MACROD2: variants seen among roughly 807,000 people sequenced by gnomAD.
The protein encoded by MACROD2 is ADP-ribose glycohydrolase MACROD2.
In MACROD2, 36 loss-of-function variants were observed where a neutral mutation model predicts 70.4. The observed-to-expected ratio is 0.51, with a 90% CI of 0.39 to 0.68. MACROD2 has a LOEUF of 0.68. Ranked by LOEUF, MACROD2 falls within the 30% of genes least tolerant of loss-of-function variation. The pLI, the probability that MACROD2 is intolerant of heterozygous loss-of-function variation, is 0.00. For missense variants in MACROD2, 496 were observed against 538.4 expected (o/e 0.92, Z 0.78); for synonymous variants, 172 against 178.8 (o/e 0.96, Z 0.30).
intron 3 of MACROD2, among the ~76,000 whole-genome samples, chr20:14,174,675 C>T (rs1026465437): frequency 2.0e-5 from 3 of 152,156 alleles, no homozygotes; most frequent in African/African-American, 7.2e-5. Context: ...GTGATTTGCC[C>T]CCTTCCCAAG....
chr20:14,082,386 G>C (rs1352063305), intron 2 of MACROD2, among the ~76,000 whole-genome samples: 2 of 146,268 alleles, frequency 1.4e-5, no homozygotes, highest in Non-Finnish European at 3.0e-5. Context: ...TAGAGACGGA[G>C]TTTCACCATG....
At chr20:14,309,106 T>C (rs913595759) in intron 3 of MACROD2, among the ~76,000 whole-genome samples, 5 of 152,084 alleles carry the variant, frequency 3.3e-5, no homozygotes, top group African/African-American at 1.2e-4. Flanking sequence ...GACAATCCTT[T>C]TGAAGATCTA....
chr20:15,221,726 T>C (rs1034076795), intron 5 of MACROD2, among the ~76,000 whole-genome samples: 3 of 152,212 alleles, frequency 2.0e-5, no homozygotes, highest in Non-Finnish European at 4.4e-5. Flanking sequence ...TAGAAATTGA[T>C]TGAATGATAT....
At position 13,995,857 on chromosome 20, in the gene MACROD2, T is replaced by TTTGGGGG; in HGVS notation, c.46+48_46+49insTTGGGGG. The stretch of plus-strand genomic sequence containing the variant: ...GGGGTGCGGGCGGTGGGGGTTAGGG[T>TTTGGGGG]GGGGGCGGGGGTCAGGCTGTGTGTG... On this transcript the variant is annotated intron_variant, in intron 1 of 17. Transcript: ENST00000684519. This position sits in a 1 kb window ranked among gnomAD's most constrained non-coding sequence, Gnocchi z 4.3. 19 of 284,112 alleles carry TTTGGGGG rather than the reference T, an allele frequency of 6.7e-5. No homozygotes were observed. The highest frequency in any genetic ancestry group is 9.7e-5 in the Non-Finnish European group (15 of 154,992). The allele number at this position is 284,112 out of a possible 1,614,324, so 17.6% of individuals were successfully genotyped here.
chr20:14,974,310 A>G (rs142226216), intron 5 of MACROD2, among the ~76,000 whole-genome samples: 82 of 152,308 alleles, frequency 5.4e-4, no homozygotes, highest in African/African-American at 1.8e-3. Context: ...TGTTCAAACT[A>G]TAGCAGGAAT....
At chr20:14,511,412 A>G (rs1371850698) in intron 4 of MACROD2, among the ~76,000 whole-genome samples, 1 of 152,080 alleles carries the variant, frequency 6.6e-6, no homozygotes, top group Non-Finnish European at 1.5e-5. Context: ...CTAAGTACCC[A>G]CAAGCATTAA....
At chr20:15,202,160 A>T (rs749550838) in intron 5 of MACROD2, among the ~76,000 whole-genome samples, 1 of 152,226 alleles carries the variant, frequency 6.6e-6, no homozygotes, top group Non-Finnish European at 1.5e-5. Flanking sequence ...TATAAAAAGT[A>T]GACTATGCCG....
intron 7 of MACROD2, among the ~76,000 whole-genome samples, chr20:15,436,574 A>G (rs1237452565): frequency 6.6e-6 from 1 of 152,172 alleles, no homozygotes; most frequent in Admixed American, 6.6e-5. Context: ...GCATTATGCA[A>G]CTTGAAAATT....
intron 4 of MACROD2, among the ~76,000 whole-genome samples, chr20:14,510,137 C>A (rs185757808): frequency 6.6e-6 from 1 of 152,042 alleles, no homozygotes; most frequent in Admixed American, 6.6e-5. Context: ...TTTCTATTAT[C>A]TTAGCGTTGG....
At chr20:15,558,838 A>G (rs1010638864) in intron 8 of MACROD2, among the ~76,000 whole-genome samples, 2 of 152,222 alleles carry the variant, frequency 1.3e-5, no homozygotes, top group South Asian at 4.1e-4. Context: ...ATATGTGTAT[A>G]TGTATTTCTT....
At chr20:14,920,240 T>C (rs1018659) in intron 5 of MACROD2, among the ~76,000 whole-genome samples, 87,062 of 151,952 alleles carry the variant, frequency 0.57, 25,496 homozygotes, top group South Asian at 0.75. Context: ...TCAACTTTCT[T>C]TTGCCCCAGG....
chr20:14,785,540 G>C (rs1251183163), intron 5 of MACROD2, among the ~76,000 whole-genome samples: 2 of 152,008 alleles, frequency 1.3e-5, no homozygotes, highest in African/African-American at 4.8e-5. Flanking sequence ...TTACTGGCAA[G>C]CCTCTTTCAA....
chr20:15,584,479 A>G (rs1280384562), intron 8 of MACROD2, among the ~76,000 whole-genome samples: 4 of 152,228 alleles, frequency 2.6e-5, no homozygotes, highest in Non-Finnish European at 5.9e-5. Context: ...CAGTGATTCC[A>G]TTGATATTAC....
At chr20:15,511,101 A>G (rs779197876) in intron 8 of MACROD2, among the ~76,000 whole-genome samples, 7 of 152,228 alleles carry the variant, frequency 4.6e-5, no homozygotes, top group Non-Finnish European at 7.3e-5. Context: ...TCGATTCCAC[A>G]GCAAAGGTTG....
intron 3 of MACROD2, among the ~76,000 whole-genome samples, chr20:14,224,578 A>T (rs1396830830): frequency 6.6e-6 from 1 of 152,120 alleles, no homozygotes; most frequent in Non-Finnish European, 1.5e-5. Flanking sequence ...TGACAATGTC[A>T]TATCTTCCCC....
intron 9 of MACROD2, among the ~76,000 whole-genome samples, chr20:15,873,365 T>C (rs1476176143): frequency 2.0e-5 from 3 of 152,210 alleles, no homozygotes; most frequent in Admixed American, 6.5e-5. Context: ...TCCTACTGTT[T>C]TGATGTTAGC....
At chr20:14,119,537 T>G (rs1484079586) in intron 3 of MACROD2, among the ~76,000 whole-genome samples, 2 of 152,154 alleles carry the variant, frequency 1.3e-5, no homozygotes, top group Non-Finnish European at 2.9e-5. Flanking sequence ...TTCTGTAACA[T>G]TCCTGGATTG....
At chr20:14,796,758 TA>T (rs1568800997) in intron 5 of MACROD2, among the ~76,000 whole-genome samples, 1 of 152,092 alleles carries the variant, frequency 6.6e-6, no homozygotes, top group Non-Finnish European at 1.5e-5. Flanking sequence ...ATAGCTTTAA[TA>T]TATATCTTGT....
chr20:14,135,748 A>G (rs567266671), intron 3 of MACROD2, among the ~76,000 whole-genome samples: 2 of 152,356 alleles, frequency 1.3e-5, no homozygotes, highest in South Asian at 4.1e-4. Context: ...CTATTTGCTC[A>G]TGATAAAAAC....
Sources: allele counts gnomAD v4.1 joint callset (sites outside exome capture counted in the v4.1 genomes callset), GRCh38; gene constraint gnomAD v4.1.1; non-coding constraint Gnocchi (gnomAD v3.1); transcripts MANE v1.5; gene names NCBI Gene and HGNC (gene_info 2026-07-23, HGNC 2026-07-21).